Variants in XIAP observed in about 807,000 individuals in gnomAD.
The protein encoded by XIAP is X-linked inhibitor of apoptosis.
XIAP carries 3 observed loss-of-function variants against 33.1 expected under a neutral mutation model. The observed-to-expected ratio is 0.09, with a 90% CI of 0.04 to 0.23. The LOEUF (loss-of-function observed/expected upper bound fraction) is 0.23. Among genes scored for constraint, XIAP ranks in the 10% least tolerant of loss-of-function variants. The pLI is 1.00. For missense variants in XIAP, 264 were observed against 363.0 expected (o/e 0.73, Z 2.22); for synonymous variants, 98 against 121.3 (o/e 0.81, Z 1.26).
chrX:123,912,435 A>G lies in XIAP; in HGVS notation c.*5254A>G, dbSNP rs1426093970. 1 of 325,722 alleles carries G rather than the reference A, an allele frequency of 3.1e-6. No homozygotes were observed. Among genetic ancestry groups the G allele is most frequent in the African/African-American group, 2.7e-5 (1 of 37,119 alleles). 26.8% of individuals were successfully genotyped at this position (325,722 alleles called of 1,213,427 possible). A position where few individuals can be genotyped will look rare whatever the true frequency, so the allele number is the denominator to read the frequency against. On this transcript the variant is annotated 3_prime_UTR_variant, in exon 7 of 7. Coordinates refer to ENST00000371199, the MANE Select transcript of XIAP (RefSeq NM_001167.4). The stretch of plus-strand genomic sequence containing the variant: ...ATCTGGACATGAATTAAAGTATATG[A>G]TGCCAGCCTGGACAAAAGGCAAAAC...
At chrX:123,862,447 C>G (rs1347184343) in intron 1 of XIAP, among the ~76,000 whole-genome samples, 4 of 108,393 alleles carry the variant, frequency 3.7e-5, no homozygotes, top group Non-Finnish European at 7.7e-5. Context: ...TCTCAGCTCA[C>G]TGCAACCTCC....
intron 1 of XIAP, among the ~76,000 whole-genome samples, chrX:123,865,022 G>A (rs192351919): frequency 9.8e-6 from 1 of 101,756 alleles, no homozygotes; most frequent in Admixed American, 1.1e-4. Context: ...TTTTATGTTC[G>A]TCTGTTTTTA....
chrX:123,904,906 C>T (rs1464732655), intron 6 of XIAP, among the ~76,000 whole-genome samples: 1 of 111,822 alleles, frequency 8.9e-6, no homozygotes, highest in Admixed American at 9.5e-5. Context: ...GCTGGGATTA[C>T]AGGCGTGAGC....
intron 1 of XIAP, among the ~76,000 whole-genome samples, chrX:123,868,028 C>T (rs2053160174): frequency 9.0e-6 from 1 of 111,478 alleles, no homozygotes; most frequent in Non-Finnish European, 1.9e-5. Flanking sequence ...TTTTATACTG[C>T]ACTTTCTTCA....
chrX:123,884,930 A>T (rs1478923565), intron 1 of XIAP, among the ~76,000 whole-genome samples: 1 of 88,501 alleles, frequency 1.1e-5, no homozygotes, highest in African/African-American at 4.3e-5. Flanking sequence ...TGCAGGGCAC[A>T]TGTATGTCAT....
intron 1 of XIAP, among the ~76,000 whole-genome samples, chrX:123,877,293 C>T (rs1289918623): frequency 9.0e-6 from 1 of 111,713 alleles, no homozygotes; most frequent in Non-Finnish European, 1.9e-5. Flanking sequence ...TTTCAAACTC[C>T]TGACCTCAAG....
intron 1 of XIAP, chrX:123,874,444 T>C (rs917499333): frequency 9.0e-6 from 1 of 111,464 alleles, no homozygotes; most frequent in Admixed American, 9.7e-5. Context: ...TTTTTCCACT[T>C]AATACAACAT....
chrX:123,883,411 G>A (rs2053322196), intron 1 of XIAP, among the ~76,000 whole-genome samples: 1 of 109,745 alleles, frequency 9.1e-6, no homozygotes, highest in Non-Finnish European at 1.9e-5. Context: ...TTAAAAACCA[G>A]ATGTAAGACT....
In XIAP at chrX:123,909,870, G is replaced by A; in HGVS notation, c.*2689G>A. 3.0e-6 allele frequency: 1 copy of A among 329,592 alleles called. No homozygotes were observed. Among genetic ancestry groups the A allele is most frequent in the Non-Finnish European group, 5.9e-6 (1 of 169,986 alleles). The allele number at this position is 329,592 out of a possible 1,213,427, so 27.2% of individuals were successfully genotyped here. Reference sequence around the variant, plus strand: ...TGGAGACTTAACAGCATTTGTCTGTGTTTGAACTATAAAAAGCACCGGATC... The same window carrying A: ...TGGAGACTTAACAGCATTTGTCTGTATTTGAACTATAAAAAGCACCGGATC... On this transcript the variant is annotated 3_prime_UTR_variant, in exon 7 of 7. Transcript: ENST00000371199.
chrX:123,865,893 T>C (rs1439985924), intron 1 of XIAP, among the ~76,000 whole-genome samples: 1 of 110,054 alleles, frequency 9.1e-6, no homozygotes, highest in Non-Finnish European at 1.9e-5. Flanking sequence ...TAGCTGGGAT[T>C]ACAGGCGTGT....
At position 123,909,747 on chromosome X, in the gene XIAP, G is replaced by A. The variant is rs942022131; in HGVS notation, c.*2566G>A. 6.1e-6 allele frequency: 2 copies of A among 329,233 alleles called. No individual in the cohort carries two copies. Among genetic ancestry groups the A allele is most frequent in the Non-Finnish European group, 1.2e-5 (2 of 169,919 alleles). 27.1% of individuals were successfully genotyped at this position (329,233 alleles called of 1,213,427 possible). A position where few individuals can be genotyped will look rare whatever the true frequency, so the allele number is the denominator to read the frequency against. The stretch of plus-strand genomic sequence containing the variant: ...TGAGTTGTGAAATTTAATGCACAAC[G>A]CTGATGTGGCTAACAAGTTTATTTT... On this transcript the variant is annotated 3_prime_UTR_variant, in exon 7 of 7. Transcript: ENST00000371199.
At chrX:123,862,316 G>A (rs972571388) in intron 1 of XIAP, among the ~76,000 whole-genome samples, 2 of 107,653 alleles carry the variant, frequency 1.9e-5, no homozygotes, top group Non-Finnish European at 3.8e-5. Flanking sequence ...TGATGCACCC[G>A]CCTCGGCCTC....
chrX:123,913,775 G>T lies in XIAP; in HGVS notation c.*6594G>T. On this transcript the variant is annotated 3_prime_UTR_variant, in exon 7 of 7. Transcript: ENST00000371199. ...TGACTGATCTAATTGTATTAGTATTGTGAATAATCATGTGAAATGTTTTGA... is the reference window on the plus strand; with the variant it reads ...TGACTGATCTAATTGTATTAGTATTTTGAATAATCATGTGAAATGTTTTGA... The T allele has an allele frequency of 3.1e-6, 1 of 324,658 alleles. No homozygotes were observed. The highest frequency in any genetic ancestry group is 3.2e-5 in the Admixed American group (1 of 31,515). 26.8% of individuals were successfully genotyped at this position (324,658 alleles called of 1,213,427 possible).
At chrX:123,865,689 A>T (rs1438679003) in intron 1 of XIAP, among the ~76,000 whole-genome samples, 1 of 110,980 alleles carries the variant, frequency 9.0e-6, no homozygotes, top group Non-Finnish European at 1.9e-5. Flanking sequence ...GCGCCACTGC[A>T]CTCCAGCCTG....
At position 123,900,474 on chromosome X, in the gene XIAP, T is replaced by G. The variant is rs28382736; in HGVS notation, c.1100-19T>G. The G allele has an allele frequency of 6.6e-5, 78 of 1,175,088 alleles. No individual in the cohort carries two copies. The East Asian group carries it at 2.1e-3, about 32-fold the overall frequency. ...TGTTTAAATTCTATGTTCTTTTTCC[T>G]CACCAATTTTTATTTCAGATGATAC... On this transcript the variant is annotated intron_variant, in intron 5 of 6. Transcript: ENST00000371199.
rs767212056 is a variant in XIAP, at chrX:123,912,819, A to AT, written c.*5646dup. 1.6e-5 allele frequency: 5 copies of AT among 317,546 alleles called. No homozygotes were observed. Among genetic ancestry groups the AT allele is most frequent in the Non-Finnish European group, 3.0e-5 (5 of 165,782 alleles). The allele number at this position is 317,546 out of a possible 1,213,427, so 26.2% of individuals were successfully genotyped here. On this transcript the variant is annotated 3_prime_UTR_variant, in exon 7 of 7. Coordinates refer to ENST00000371199, the MANE Select transcript of XIAP (RefSeq NM_001167.4). Reference sequence around the variant, plus strand: ...AGGCATGCTCCACGGTGCCCAGTTAATTTTTTTTGTATTCTTAGTAGAGAC... The same window carrying AT: ...AGGCATGCTCCACGGTGCCCAGTTAATTTTTTTTTGTATTCTTAGTAGAGAC...
In XIAP at chrX:123,869,362, C is replaced by CAAAAAAAAAAAAAAAAAAAAAAAAAA. The variant is rs57436822; in HGVS notation, c.-33+9091_-33+9092insAAAAAAAAAAAAAAAAAAAAAAAAAA. 1.7e-3 allele frequency among the ~76,000 whole-genome samples: 52 copies of CAAAAAAAAAAAAAAAAAAAAAAAAAA among 29,723 alleles called. 5 individuals carry two copies. Among genetic ancestry groups the CAAAAAAAAAAAAAAAAAAAAAAAAAA allele is most frequent in the South Asian group, 2.2e-3 (1 of 449 alleles). 25.8% of individuals were successfully genotyped at this position (29,723 alleles called of 115,157 possible). On this transcript the variant is annotated intron_variant, in intron 1 of 6. Coordinates refer to ENST00000371199, the MANE Select transcript of XIAP (RefSeq NM_001167.4). Reference sequence around the variant, plus strand: ...AAACCCCATCTCTACTAAAAAAATACAAAAAAAAAAAAAAAAAAAAAAGCT... The same window carrying CAAAAAAAAAAAAAAAAAAAAAAAAAA: ...AAACCCCATCTCTACTAAAAAAATACAAAAAAAAAAAAAAAAAAAAAAAAAAAAAAAAAAAAAAAAAAAAAAAAGCT...
intron 1 of XIAP, among the ~76,000 whole-genome samples, chrX:123,882,995 A>C (rs1454405956): frequency 1.8e-5 from 2 of 109,306 alleles, no homozygotes; most frequent in Non-Finnish European, 3.8e-5. Flanking sequence ...GGGTTTCTCC[A>C]TTTTGGTCAG....
intron 6 of XIAP, among the ~76,000 whole-genome samples, chrX:123,902,772 TTTC>T (rs1383622466): frequency 1.8e-5 from 2 of 112,270 alleles, no homozygotes; most frequent in African/African-American, 3.2e-5. Flanking sequence ...CCCATATTCA[TTTC>T]TTATCTGTCT....
Sources: allele counts gnomAD v4.1 joint callset (sites outside exome capture counted in the v4.1 genomes callset), GRCh38; gene constraint gnomAD v4.1.1; transcripts MANE v1.5; gene names NCBI Gene and HGNC (gene_info 2026-07-23, HGNC 2026-07-21).